Variants in STK26 observed in about 807,000 individuals in gnomAD.
The protein encoded by STK26 is serine/threonine-protein kinase 26.
In STK26, 14 loss-of-function variants were observed where a neutral mutation model predicts 34.7. That is an observed-to-expected ratio of 0.40 (90% CI 0.27 to 0.63). The LOEUF is 0.63. STK26 is among the 30% of genes least tolerant of loss of function. STK26 has a pLI of 0.38. For synonymous variants in STK26, 100 were observed against 109.8 expected, an observed-to-expected ratio of 0.91 and a Z score of 0.56; for missense variants, 226 against 309.1, an observed-to-expected ratio of 0.73 and a Z score of 2.02.
At chrX:132,027,887 A>G (rs985244980) in intron 2 of STK26, among the ~76,000 whole-genome samples, 5 of 107,804 alleles carry the variant, frequency 4.6e-5, no homozygotes, top group African/African-American at 1.7e-4. Flanking sequence ...ACACGGTCTC[A>G]CTCTGTCACC....
Position 132,075,319 on chromosome X carries a change from CCTAAGTT to C in STK26, c.*1163_*1169del, listed in dbSNP as rs1401400967. 1.4e-4 allele frequency: 15 copies of C among 110,854 alleles called. No homozygotes were observed. In the South Asian group the frequency reaches 5.7e-3, roughly 42 times the overall value. The allele number at this position is 110,854 out of a possible 1,213,427, so 9.1% of individuals were successfully genotyped here. A position where few individuals can be genotyped will look rare whatever the true frequency, so the allele number is the denominator to read the frequency against. On this transcript the variant is annotated 3_prime_UTR_variant, in exon 12 of 12. Transcript: ENST00000394334. ...AAGCCCAGTACATATATTATGCCTGCCTAAGTTCTGAACTGGGGCTGTATTTCAGTAG... is the reference window on the plus strand; with the variant it reads ...AAGCCCAGTACATATATTATGCCTGCCTGAACTGGGGCTGTATTTCAGTAG...
chrX:132,047,727 AT>A (rs1926547155), intron 2 of STK26, among the ~76,000 whole-genome samples: 2 of 112,067 alleles, frequency 1.8e-5, no homozygotes, highest in South Asian at 7.3e-4. Context: ...AATATGAAAT[AT>A]TTGGTAGTTG....
chrX:132,036,698 A>G (rs1415856000), intron 2 of STK26, among the ~76,000 whole-genome samples: 1 of 112,186 alleles, frequency 8.9e-6, no homozygotes, highest in East Asian at 2.8e-4. Context: ...AAGAATGCTG[A>G]TATGTTTACC....
chrX:132,049,475 G>A (rs1183573577), intron 2 of STK26, among the ~76,000 whole-genome samples: 1 of 112,005 alleles, frequency 8.9e-6, no homozygotes, highest in Non-Finnish European at 1.9e-5. Flanking sequence ...CTTCTTAGAT[G>A]ACAGGAAACT....
At chrX:132,039,031 C>A (rs1364026960) in intron 2 of STK26, among the ~76,000 whole-genome samples, 1 of 110,624 alleles carries the variant, frequency 9.0e-6, no homozygotes. Context: ...AACAAACAAA[C>A]AAAAAAACAC....
In STK26 at chrX:132,023,340, C is replaced by A. The variant is rs1317622468; in HGVS notation, c.-178C>A. On this transcript the variant is annotated 5_prime_UTR_variant, in exon 1 of 12. Transcript: ENST00000394334. Reference sequence around the variant, plus strand: ...AGGTCCCAGCCACCACCACTCACAGCGCTCGGCGTTCAGGAAGAGGAGCAG... The same window carrying A: ...AGGTCCCAGCCACCACCACTCACAGAGCTCGGCGTTCAGGAAGAGGAGCAG... The A allele has an allele frequency of 2.0e-6, 1 of 496,565 alleles. No individual in the cohort carries two copies. Among genetic ancestry groups the A allele is most frequent in the African/African-American group, 2.3e-5 (1 of 44,120 alleles). 40.9% of individuals were successfully genotyped at this position (496,565 alleles called of 1,213,427 possible).
chrX:132,037,953 G>A (rs1240567039), intron 2 of STK26, among the ~76,000 whole-genome samples: 2 of 108,920 alleles, frequency 1.8e-5, no homozygotes, highest in Non-Finnish European at 3.8e-5. Flanking sequence ...CTCCATGGTC[G>A]TCTTTTTGGA....
chrX:132,025,710 T>C (rs1935086487), intron 2 of STK26, among the ~76,000 whole-genome samples: 2 of 109,578 alleles, frequency 1.8e-5, no homozygotes, highest in African/African-American at 6.7e-5. Context: ...CTTAACTTCT[T>C]ATTTCCATTT....
chrX:132,034,519 C>T (rs188672232), intron 2 of STK26, among the ~76,000 whole-genome samples: 2,268 of 109,521 alleles, frequency 0.021, 64 homozygotes, highest in African/African-American at 0.072. Context: ...TGGTCTCGAT[C>T]TCCTGACCTC....
intron 2 of STK26, among the ~76,000 whole-genome samples, chrX:132,045,475 C>T (rs1350238134): frequency 1.8e-5 from 2 of 112,055 alleles, no homozygotes; most frequent in Admixed American, 1.9e-4. Context: ...ATACACCTCT[C>T]TCCCTCATAC....
At chrX:132,038,005 G>T (rs1390064102) in intron 2 of STK26, among the ~76,000 whole-genome samples, 1 of 109,701 alleles carries the variant, frequency 9.1e-6, no homozygotes, top group Admixed American at 9.8e-5. Context: ...AACTATTACC[G>T]CTGTTGCTAT....
chrX:132,060,656 C>T (rs1455794264), intron 3 of STK26, among the ~76,000 whole-genome samples: 2 of 105,869 alleles, frequency 1.9e-5, no homozygotes, highest in Non-Finnish European at 3.9e-5. Context: ...CACTCTGTCT[C>T]CCGAGCTGGA....
rs61494612 is a variant in STK26 at position 132,035,832 on chromosome X, T to TACACACACACACACAC, written c.42+12202_42+12217dup. Among the ~76,000 whole-genome samples the TACACACACACACACAC allele has an allele frequency of 1.1e-3, 85 of 78,214 alleles. 1 individual carries two copies. The highest frequency in any genetic ancestry group is 3.7e-3 in the African/African-American group (76 of 20,317). 67.9% of individuals were successfully genotyped at this position (78,214 alleles called of 115,157 possible). ...ACCAGACTTAATAGCTCTGGCTGCA[T>TACACACACACACACAC]ACACACACACACACACACACACACA... On this transcript the variant is annotated intron_variant, in intron 2 of 11. Transcript: ENST00000394334.
At chrX:132,033,887 A>G (rs769207176) in intron 2 of STK26, among the ~76,000 whole-genome samples, 3 of 110,405 alleles carry the variant, frequency 2.7e-5, no homozygotes, top group Non-Finnish European at 3.8e-5. Context: ...CCCAAATGAG[A>G]TAGAATCTGA....
At chrX:132,027,880 C>T (rs183510795) in intron 2 of STK26, among the ~76,000 whole-genome samples, 11 of 107,885 alleles carry the variant, frequency 1.0e-4, no homozygotes, top group East Asian at 2.9e-4. Context: ...TTTTGAGACA[C>T]GGTCTCACTC....
chrX:132,053,274 GA>G (rs1297786852), intron 2 of STK26, among the ~76,000 whole-genome samples: 1 of 111,240 alleles, frequency 9.0e-6, no homozygotes, highest in Non-Finnish European at 1.9e-5. Flanking sequence ...TTTAGAAATG[GA>G]AAAAAATCCA....
At chrX:132,054,887 G>A (rs748719040) in intron 3 of STK26, 26 bp downstream of exon 3, 1 of 1,105,496 alleles carries the variant, frequency 9.0e-7, no homozygotes, top group East Asian at 3.0e-5. Context: ...TATTATTTAA[G>A]TCATAAGGTA....
intron 2 of STK26, among the ~76,000 whole-genome samples, chrX:132,038,362 A>G (rs1926137078): frequency 8.9e-6 from 1 of 111,741 alleles, no homozygotes; most frequent in South Asian, 3.7e-4. Flanking sequence ...GATAAAAGTG[A>G]CATTTACATA....
chrX:132,054,565 T>C (rs1926792618), intron 2 of STK26, 66 bp from the exon 3 acceptor site: 3 of 997,350 alleles, frequency 3.0e-6, no homozygotes, highest in Non-Finnish European at 4.1e-6. Flanking sequence ...TTTATTTTCC[T>C]TCATTAAAAA....
Sources: allele counts gnomAD v4.1 joint callset (sites outside exome capture counted in the v4.1 genomes callset), GRCh38; gene constraint gnomAD v4.1.1; transcripts MANE v1.5; gene names NCBI Gene and HGNC (gene_info 2026-07-23, HGNC 2026-07-21).